Variants in PCDHGA4 observed in about 807,000 individuals in gnomAD.
PCDHGA4 encodes the protein protocadherin gamma-A4.
PCDHGA4 carries 38 observed loss-of-function variants against 54.6 expected under a neutral mutation model. The observed-to-expected ratio is 0.70, with a 90% confidence interval of 0.54 to 0.91. The LOEUF (loss-of-function observed/expected upper bound fraction) is 0.91, where lower values mean the gene tolerates loss of function less well. Ranked by LOEUF, PCDHGA4 falls within the 40% of genes least tolerant of loss-of-function variation. The probability of loss-of-function intolerance (pLI) is 0.00; values close to 1 mark genes in which losing one functional copy is unlikely to be tolerated. For missense variants in PCDHGA4, 1,298 were observed against 1,220.9 expected, an observed-to-expected ratio of 1.06 and a Z score of -0.94; for synonymous variants, 511 against 512.9, an observed-to-expected ratio of 1.00 and a Z score of 0.05.
Position 141,477,447 on chromosome 5 carries a change from G to C in PCDHGA4, c.2515-17360G>C, listed in dbSNP as rs779097830. On this transcript the variant is annotated intron_variant, in intron 1 of 3. Coordinates refer to ENST00000571252, the MANE Select transcript of PCDHGA4 (RefSeq NM_018917.4). The surrounding 1 kb of genome is among the most constrained non-coding windows in gnomAD (Gnocchi z 4.9). ...TCCCTCTCAGCCCTTACAATAGTGCGTGTTCAAGTGTCCGACATCAATGAC... is the reference window on the plus strand; with the variant it reads ...TCCCTCTCAGCCCTTACAATAGTGCCTGTTCAAGTGTCCGACATCAATGAC... The C allele has an allele frequency of 1.6e-5, 26 of 1,614,098 alleles. No individual in the cohort carries two copies. Among genetic ancestry groups the C allele is most frequent in the Non-Finnish European group, 2.2e-5 (26 of 1,180,016 alleles).
In PCDHGA4 at chr5:141,432,009, G is replaced by A. The variant is rs1227754190; in HGVS notation, c.2515-62798G>A. ...GTCTTGGATAGGGAACAGGTTCCTA[G>A]CTACAACATCACAGTGACCGCCACT... On this transcript the variant is annotated intron_variant, in intron 1 of 3. Coordinates refer to ENST00000571252, the MANE Select transcript of PCDHGA4 (RefSeq NM_018917.4). The surrounding 1 kb of genome is among the most constrained non-coding windows in gnomAD (Gnocchi z 6.0). The A allele has an allele frequency of 1.2e-6, 2 of 1,614,188 alleles. No homozygotes were observed. The highest frequency in any genetic ancestry group is 1.7e-6 in the Non-Finnish European group (2 of 1,180,024).
chr5:141,494,785 T>G, intron 1 of PCDHGA4, 22 bp from the exon 2 acceptor site: 1 of 1,614,016 alleles, frequency 6.2e-7, no homozygotes, highest in Non-Finnish European at 8.5e-7. Flanking sequence ...ACTCAGCCCC[T>G]TTCCCTCTGT....
At position 141,512,047 on chromosome 5, in the gene PCDHGA4, C is replaced by T. The variant is rs1183612907; in HGVS notation, c.*874C>T. 1 of 152,722 alleles carries T rather than the reference C, an allele frequency of 6.5e-6. No individual in the cohort carries two copies. The highest frequency in any genetic ancestry group is 1.5e-5 in the Non-Finnish European group (1 of 68,120). The allele number at this position is 152,722 out of a possible 1,614,324, so 9.5% of individuals were successfully genotyped here. A position where few individuals can be genotyped will look rare whatever the true frequency, so the allele number is the denominator to read the frequency against. On this transcript the variant is annotated 3_prime_UTR_variant, in exon 4 of 4. Coordinates refer to ENST00000571252, the MANE Select transcript of PCDHGA4 (RefSeq NM_018917.4). The stretch of plus-strand genomic sequence containing the variant: ...CCTTGGAGGAGGCTCTGTATGTCCT[C>T]AGGGGACTGACAACATCCTCCAGAT...
At position 141,356,156 on chromosome 5, in the gene PCDHGA4, T is replaced by C. The variant is rs562303967; in HGVS notation, c.1049T>C (p.Val350Ala). ...GACTCTGGATTCTATGACATAGATG[T>C]AGAAGCCCATGATGGGCCTGGTCTC... ...YEDSGFYDID[V>A]EAHDGPGLRA... is the part of the protein sequence containing the mutation. The change falls in exon 1 of 4, where the codon GTA becomes GCA. Residue 350 changes from valine to alanine, a missense_variant. Coordinates refer to ENST00000571252, the MANE Select transcript of PCDHGA4 (RefSeq NM_018917.4). The C allele has an allele frequency of 2.3e-5, 37 of 1,613,352 alleles. No individual in the cohort carries two copies. The Admixed American group carries it at 2.3e-4, about 10-fold the overall frequency.
At chr5:141,390,362 G>GA (rs1411664231) in intron 1 of PCDHGA4, 10 of 1,532,890 alleles carry the variant, frequency 6.5e-6, no homozygotes, top group Middle Eastern at 3.5e-4. Context: ...ATATTTGCAG[G>GA]AAAATATATA....
rs775895766 is a variant in PCDHGA4, at chr5:141,384,987, G to T, written c.2514+27366G>T. On this transcript the variant is annotated intron_variant, in intron 1 of 3. Coordinates refer to ENST00000571252, the MANE Select transcript of PCDHGA4 (RefSeq NM_018917.4). ...ACCTCACGTTGTACCTGGTGGTGGC[G>T]GTGGCCACAGTCTCCTGCGTCTTCC... The T allele has an allele frequency of 3.7e-6, 6 of 1,613,996 alleles. No individual in the cohort carries two copies. The African/African-American group carries it at 6.7e-5, about 18-fold the overall frequency.
Position 141,431,054 on chromosome 5 carries a change from G to A in PCDHGA4, c.2515-63753G>A, listed in dbSNP as rs532584174. 1 of 1,614,198 alleles carries A rather than the reference G, an allele frequency of 6.2e-7. No individual in the cohort carries two copies. Among genetic ancestry groups the A allele is most frequent in the African/African-American group, 1.3e-5 (1 of 75,076 alleles). ...AGACCGGGAGGAGCTCTGTATGGGG[G>A]CCATCAAGTGTCAATTAAATCTAGA... On this transcript the variant is annotated intron_variant, in intron 1 of 3. Transcript: ENST00000571252. This position sits in a 1 kb window ranked among gnomAD's most constrained non-coding sequence, Gnocchi z 4.8.
In PCDHGA4 at chr5:141,448,771, T is replaced by C. The variant is rs564309379; in HGVS notation, c.2515-46036T>C. Among the ~76,000 whole-genome samples the C allele has an allele frequency of 6.6e-4, 100 of 151,738 alleles. 1 individual carries two copies. The highest frequency in any genetic ancestry group is 6.8e-3 in the Middle Eastern group (2 of 294). On this transcript the variant is annotated intron_variant, in intron 1 of 3. Coordinates refer to ENST00000571252, the MANE Select transcript of PCDHGA4 (RefSeq NM_018917.4). ...CTGGCTAACACGGTGAAACCCCGTCTGTACTAAAAATACAAAAAAAAAAAT... is the reference window on the plus strand; with the variant it reads ...CTGGCTAACACGGTGAAACCCCGTCCGTACTAAAAATACAAAAAAAAAAAT...
intron 1 of PCDHGA4, among the ~76,000 whole-genome samples, chr5:141,452,072 G>A (rs550370876): frequency 1.3e-5 from 2 of 152,272 alleles, no homozygotes; most frequent in East Asian, 1.9e-4. Flanking sequence ...ACTTTTATTA[G>A]TTGGCATTAT....
At chr5:141,383,347 G>T in intron 1 of PCDHGA4, 1 of 1,614,012 alleles carries the variant, frequency 6.2e-7, no homozygotes, top group South Asian at 1.1e-5. Flanking sequence ...AGCTCCTGGG[G>T]TTCGGTTTCC....
At chr5:141,364,371 T>G in intron 1 of PCDHGA4, 1 of 1,572,068 alleles carries the variant, frequency 6.4e-7, no homozygotes, top group South Asian at 1.2e-5. Flanking sequence ...GGAGAGCTGC[T>G]GCTGCCCTTC....
At chr5:141,404,912 C>T (rs761969782) in intron 1 of PCDHGA4, 31 of 1,613,946 alleles carry the variant, frequency 1.9e-5, no homozygotes, top group Non-Finnish European at 2.5e-5. Flanking sequence ...CCAGCCCCCT[C>T]TCTCGGCCAC....
In PCDHGA4 at chr5:141,476,990, C is replaced by A; in HGVS notation, c.2515-17817C>A. On this transcript the variant is annotated intron_variant, in intron 1 of 3. Coordinates refer to ENST00000571252, the MANE Select transcript of PCDHGA4 (RefSeq NM_018917.4). The surrounding 1 kb of genome is among the most constrained non-coding windows in gnomAD (Gnocchi z 7.6). Reference sequence around the variant, plus strand: ...CGGCAGCCACAACCGCGCCGGCGTGCGGCAACTATTCGCCTTAGACCTTGT... The same window carrying A: ...CGGCAGCCACAACCGCGCCGGCGTGAGGCAACTATTCGCCTTAGACCTTGT... The A allele has an allele frequency of 6.2e-7, 1 of 1,614,220 alleles. No individual in the cohort carries two copies. Among genetic ancestry groups the A allele is most frequent in the South Asian group, 1.1e-5 (1 of 91,090 alleles).
At chr5:141,481,963 TA>T (rs1158466251) in intron 1 of PCDHGA4, among the ~76,000 whole-genome samples, 1 of 148,746 alleles carries the variant, frequency 6.7e-6, no homozygotes, top group Non-Finnish European at 1.5e-5. Context: ...CAGGTGCCTG[TA>T]GTCACAGCTA....
chr5:141,430,258 A>T (rs542653323), intron 1 of PCDHGA4, among the ~76,000 whole-genome samples: 1 of 147,968 alleles, frequency 6.8e-6, no homozygotes, highest in Non-Finnish European at 1.5e-5. Flanking sequence ...AGACATCTCC[A>T]TAATAGGTGT....
At chr5:141,475,895 C>A (rs2099379056) in intron 1 of PCDHGA4, 1 of 568,558 alleles carries the variant, frequency 1.8e-6, no homozygotes, top group African/African-American at 1.9e-5. Context: ...ACTCTGTGTG[C>A]CGCTGTCGGC....
Position 141,477,914 on chromosome 5 carries a change from G to T in PCDHGA4, c.2515-16893G>T. On this transcript the variant is annotated intron_variant, in intron 1 of 3. Coordinates refer to ENST00000571252, the MANE Select transcript of PCDHGA4 (RefSeq NM_018917.4). The surrounding 1 kb of genome is among the most constrained non-coding windows in gnomAD (Gnocchi z 4.9). ...ACGGGTGGTAGGCTGGGACGCGGAT[G>T]CAGGGCACAATGCCTGGCTCTCCTA... 2 of 1,614,204 alleles carry T rather than the reference G, an allele frequency of 1.2e-6. No homozygotes were observed. The highest frequency in any genetic ancestry group is 1.7e-6 in the Non-Finnish European group (2 of 1,180,044).
intron 1 of PCDHGA4, chr5:141,365,741 A>C: frequency 1.2e-6 from 2 of 1,613,506 alleles, no homozygotes; most frequent in African/African-American, 1.3e-5. Context: ...AGGTGTCTCT[A>C]TCTTCTCTGT....
chr5:141,487,380 G>A lies in PCDHGA4; in HGVS notation c.2515-7427G>A. On this transcript the variant is annotated intron_variant, in intron 1 of 3. Transcript: ENST00000571252. This position sits in a 1 kb window ranked among gnomAD's most constrained non-coding sequence, Gnocchi z 5.0. ...GCTGGCACCTGTGCCTGTCTCACCA[G>A]ATCTCGAAGGAGGGAGGGGCTTCCC... is the stretch of plus-strand genomic sequence containing the variant. The A allele has an allele frequency of 1.2e-6, 2 of 1,614,202 alleles. No individual in the cohort carries two copies. The highest frequency in any genetic ancestry group is 2.2e-5 in the South Asian group (2 of 91,078).
Sources: gnomAD v4.1 joint callset for allele counts (sites outside exome capture counted in the v4.1 genomes callset) on GRCh38, gnomAD v4.1.1 for gene constraint, Gnocchi (gnomAD v3.1) non-coding constraint, MANE v1.5 for transcripts, NCBI Gene and HGNC (gene_info 2026-07-23, HGNC 2026-07-21) for gene names.